The following RSL24D1 variants were observed in gnomAD, a reference collection of about 807,000 sequenced individuals.
The protein encoded by RSL24D1 is ribosomal L24 domain containing 1.
Under a neutral mutation model 26.2 loss-of-function variants are expected in RSL24D1, and 6 were observed. That is an observed-to-expected ratio of 0.23 (90% CI 0.13 to 0.45). RSL24D1 has a LOEUF of 0.45. Among genes scored for constraint, RSL24D1 ranks in the 20% least tolerant of loss-of-function variants. The pLI is 0.99. For synonymous variants in RSL24D1, 61 were observed against 59.1 expected (o/e 1.03, Z -0.15); for missense variants, 176 against 202.6 (o/e 0.87, Z 0.80).
Position 55,181,855 on chromosome 15 carries a change from A to G in RSL24D1, c.*297T>C, listed in dbSNP as rs1894170272. On this transcript the variant is annotated 3_prime_UTR_variant, in exon 6 of 6. Transcript: ENST00000260443. ...AATTTTTGCCATTAGTTACTATACA[A>G]ATGCTGCCTAGTGCCATTATCCAAA... 7.6e-6 allele frequency: 2 copies of G among 263,128 alleles called. No individual in the cohort carries two copies. Among genetic ancestry groups the G allele is most frequent in the Non-Finnish European group, 1.4e-5 (2 of 139,160 alleles). 16.3% of individuals were successfully genotyped at this position (263,128 alleles called of 1,614,324 possible). A position where few individuals can be genotyped will look rare whatever the true frequency, so the allele number is the denominator to read the frequency against.
chr15:55,196,584 G>A (rs1013787020), intron 1 of RSL24D1: 2 of 592,488 alleles, frequency 3.4e-6, no homozygotes, highest in Non-Finnish European at 6.0e-6. Context: ...CGCTGCCAAC[G>A]CCACCCAAGG....
rs978589364 is a variant in RSL24D1 at position 55,196,663 on chromosome 15, G to C, written c.81+147C>G. On this transcript the variant is annotated intron_variant, in intron 1 of 5. Transcript: ENST00000260443. Reference sequence around the variant, plus strand: ...ACCCCCGAAGCGGAACGTTGAGAACGGAGGCCCAGTTAAGCCACCCTCCCA... The same window carrying C: ...ACCCCCGAAGCGGAACGTTGAGAACCGAGGCCCAGTTAAGCCACCCTCCCA... 3.0e-4 allele frequency: 209 copies of C among 689,396 alleles called. 7 individuals are homozygous for C. In the Middle Eastern group the frequency reaches 5.7e-3, roughly 19 times the overall value. 42.7% of individuals were successfully genotyped at this position (689,396 alleles called of 1,614,324 possible). A position where few individuals can be genotyped will look rare whatever the true frequency, so the allele number is the denominator to read the frequency against.
chr15:55,192,937 C>T (rs1894315145), intron 1 of RSL24D1, 104 bp from the exon 2 acceptor site: 2 of 694,242 alleles, frequency 2.9e-6, no homozygotes, highest in Admixed American at 5.1e-5. Flanking sequence ...ACTTAAACTG[C>T]CATTTAGAAA....
intron 1 of RSL24D1, 34 bp from the exon 2 acceptor site, chr15:55,192,867 A>G (rs762952832): frequency 6.8e-7 from 1 of 1,461,704 alleles, no homozygotes; most frequent in South Asian, 1.2e-5. Context: ...AGAAGTCAAC[A>G]TTAAAAACTT....
intron 3 of RSL24D1, among the ~76,000 whole-genome samples, chr15:55,188,456 G>A (rs1566886566): frequency 6.6e-6 from 1 of 152,158 alleles, no homozygotes; most frequent in Non-Finnish European, 1.5e-5. Flanking sequence ...TATAAATGTG[G>A]GGGGCAAGAG....
At chr15:55,187,427 T>C (rs1894235778) in intron 3 of RSL24D1, among the ~76,000 whole-genome samples, 1 of 152,148 alleles carries the variant, frequency 6.6e-6, no homozygotes, top group Non-Finnish European at 1.5e-5. Context: ...TCCAGAATAC[T>C]GAAATATTTT....
At chr15:55,195,999 T>C (rs1894351347) in intron 1 of RSL24D1, among the ~76,000 whole-genome samples, 1 of 152,122 alleles carries the variant, frequency 6.6e-6, no homozygotes, top group Admixed American at 6.5e-5. Context: ...ACGTAAGAGA[T>C]CAAATTCTGA....
intron 1 of RSL24D1, chr15:55,196,545 C>T: frequency 1.7e-6 from 1 of 588,812 alleles, no homozygotes; most frequent in Admixed American, 2.7e-5. Context: ...TCCTGGTAGG[C>T]GCTAGCTGGG....
rs1894158566 is a variant in RSL24D1 at position 55,180,860 on chromosome 15, C to A, written c.*1292G>T. On this transcript the variant is annotated 3_prime_UTR_variant, in exon 6 of 6. Transcript: ENST00000260443. ...AATGAATACGGTATGTAGTAAAAAC[C>A]CAAGAAATTTTACAAATGTCTTTCC... 1 of 152,058 alleles carries A rather than the reference C, an allele frequency of 6.6e-6. No individual in the cohort carries two copies. The allele number at this position is 152,058 out of a possible 1,614,324, so 9.4% of individuals were successfully genotyped here.
chr15:55,192,893 T>TA (rs1894314572), intron 1 of RSL24D1, 60 bp from the exon 2 acceptor site: 1 of 1,062,004 alleles, frequency 9.4e-7, no homozygotes, highest in Non-Finnish European at 1.5e-6. Context: ...TCACAAGACG[T>TA]TACCCCTGCT....
chr15:55,183,455 G>C (rs1428799042), intron 4 of RSL24D1, 55 bp from the exon 5 acceptor site: 1 of 1,271,202 alleles, frequency 7.9e-7, no homozygotes, highest in Non-Finnish European at 1.1e-6. Flanking sequence ...GCTTTAAGAG[G>C]CATCAATTCA....
chr15:55,186,294 T>G (rs1224466904), intron 3 of RSL24D1, among the ~76,000 whole-genome samples: 1 of 152,162 alleles, frequency 6.6e-6, no homozygotes, highest in African/African-American at 2.4e-5. Flanking sequence ...AATAATAAGA[T>G]ATTTATATAG....
intron 3 of RSL24D1, among the ~76,000 whole-genome samples, chr15:55,189,319 G>C (rs1169753016): frequency 6.6e-6 from 1 of 151,774 alleles, no homozygotes; most frequent in Non-Finnish European, 1.5e-5. Context: ...GTTTGAATAA[G>C]TGTTATTTCC....
In RSL24D1 at chr15:55,182,219, C is replaced by T. The variant is rs1177662303; in HGVS notation, c.425G>A (p.Gly142Glu). ...HLIRAPLAGK[G>E]KQLEEKMVQQ... ...TACCATTTTCTCTTCCAACTGTTTCCCTTTGCCTTTAATAAAAATAAGTAA... is the reference window on the plus strand; with the variant it reads ...TACCATTTTCTCTTCCAACTGTTTCTCTTTGCCTTTAATAAAAATAAGTAA... Residue 142 changes from glycine (G) to glutamate (E), a missense_variant, in exon 6 of 6, where the codon GGG (glycine) becomes GAG (glutamate). Transcript: ENST00000260443. The T allele has an allele frequency of 6.3e-7, 1 of 1,598,020 alleles. No homozygotes were observed. The highest frequency in any genetic ancestry group is 1.7e-5 in the Admixed American group (1 of 59,834).
chr15:55,182,110 G>A lies in RSL24D1; in HGVS notation c.*42C>T, dbSNP rs780107982. On this transcript the variant is annotated 3_prime_UTR_variant, in exon 6 of 6. Coordinates refer to ENST00000260443, the MANE Select transcript of RSL24D1 (RefSeq NM_016304.3). ...ATTTAGCAGTTCCAAGTATCCAAAGGGCATTTTCAAATGTACATAAAAGAA... is the reference window on the plus strand; with the variant it reads ...ATTTAGCAGTTCCAAGTATCCAAAGAGCATTTTCAAATGTACATAAAAGAA... 1 of 1,194,664 alleles carries A rather than the reference G, an allele frequency of 8.4e-7. No homozygotes were observed. Among genetic ancestry groups the A allele is most frequent in the East Asian group, 2.3e-5 (1 of 42,834 alleles). The allele number at this position is 1,194,664 out of a possible 1,614,324, so 74.0% of individuals were successfully genotyped here.
At chr15:55,190,932 A>T in intron 3 of RSL24D1, 43 bp downstream of exon 3, 2 of 1,308,668 alleles carry the variant, frequency 1.5e-6, no homozygotes, top group Non-Finnish European at 2.2e-6. Flanking sequence ...ATTATCCCAA[A>T]CCAGTCTCTC....
chr15:55,192,073 TAA>T (rs1245780043), intron 2 of RSL24D1, among the ~76,000 whole-genome samples: 1 of 152,080 alleles, frequency 6.6e-6, no homozygotes, highest in African/African-American at 2.4e-5. Flanking sequence ...CCTTTAGCAA[TAA>T]AAAGGTGGGA....
At chr15:55,185,728 G>T (rs1408566526) in intron 3 of RSL24D1, among the ~76,000 whole-genome samples, 2 of 152,162 alleles carry the variant, frequency 1.3e-5, no homozygotes, top group Non-Finnish European at 2.9e-5. Flanking sequence ...ACTATAAAGA[G>T]AACTTGGACT....
intron 1 of RSL24D1, among the ~76,000 whole-genome samples, chr15:55,193,894 A>G (rs1894326444): frequency 6.6e-6 from 1 of 152,214 alleles, no homozygotes; most frequent in Admixed American, 6.5e-5. Context: ...CTCCTGGAGT[A>G]GCCTACTATG....
Sources: allele counts gnomAD v4.1 joint callset (sites outside exome capture counted in the v4.1 genomes callset), GRCh38; gene constraint gnomAD v4.1.1; transcripts MANE v1.5; gene names NCBI Gene and HGNC (gene_info 2026-07-23, HGNC 2026-07-21).